Variants in UBE4B observed in about 807,000 individuals in gnomAD.
UBE4B encodes ubiquitination factor E4B, also known as ubiquitin conjugation factor E4 B.
UBE4B carries 27 observed loss-of-function variants against 148.1 expected under a neutral mutation model. That is an observed-to-expected ratio of 0.18 (90% CI 0.13 to 0.25). The LOEUF (loss-of-function observed/expected upper bound fraction) is 0.25, where lower values mean the gene tolerates loss of function less well. Among genes scored for constraint, UBE4B ranks in the 10% least tolerant of loss-of-function variants. The probability of loss-of-function intolerance (pLI) is 1.00; values close to 1 mark genes in which losing one functional copy is unlikely to be tolerated. For synonymous variants in UBE4B, 596 were observed against 619.3 expected, an observed-to-expected ratio of 0.96 and a Z score of 0.56; for missense variants, 1,170 against 1,662.4, an observed-to-expected ratio of 0.70 and a Z score of 5.15.
At chr1:10,049,752 T>C (rs1467835742) in intron 1 of UBE4B, among the ~76,000 whole-genome samples, 5 of 151,976 alleles carry the variant, frequency 3.3e-5, no homozygotes, top group Admixed American at 6.6e-5. Flanking sequence ...TGGCTGGGTG[T>C]GGTGGCATGC....
rs1643363589 is a variant in UBE4B, at chr1:10,033,161, AG to A, written c.-509del. 6.6e-6 allele frequency: 1 copy of A among 152,374 alleles called. No homozygotes were observed. The highest frequency in any genetic ancestry group is 2.1e-4 in the South Asian group (1 of 4,848). 9.4% of individuals were successfully genotyped at this position (152,374 alleles called of 1,614,324 possible). A position where few individuals can be genotyped will look rare whatever the true frequency, so the allele number is the denominator to read the frequency against. On this transcript the variant is annotated 5_prime_UTR_variant, in exon 1 of 28. In the 5' UTR this introduces an upstream ATG that the reference lacks. Transcript: ENST00000343090. ...TTGGGAGGGGAGGGGCTTCCCTTAC[AG>A]TGCTGGGCTCTGCCAGGACGGCTGT...
At chr1:10,126,299 CAATATAGA>C (rs1244428450) in intron 10 of UBE4B, among the ~76,000 whole-genome samples, 4 of 138,712 alleles carry the variant, frequency 2.9e-5, no homozygotes, top group South Asian at 2.4e-4. Flanking sequence ...GACTCCGTCT[CAATATAGA>C]TAGATAGATA....
intron 5 of UBE4B, 83 bp from the exon 6 acceptor site, chr1:10,105,433 T>C (rs1013043391): frequency 2.1e-5 from 25 of 1,195,252 alleles, no homozygotes; most frequent in Non-Finnish European, 3.1e-5. Flanking sequence ...TCGAACCATT[T>C]GGGGTCAGCT....
In UBE4B at chr1:10,168,397, G is replaced by A; in HGVS notation, c.3333+127G>A. ...CACAGTCATCAATAAGTGAAATTCT[G>A]TGACTGATTTTGTTCCCAGTTATGC... On this transcript the variant is annotated intron_variant, in intron 24 of 27. Transcript: ENST00000343090. The surrounding 1 kb of genome is among the most constrained non-coding windows in gnomAD (Gnocchi z 4.9). The A allele has an allele frequency of 7.1e-7, 1 of 1,406,248 alleles. No homozygotes were observed. Among genetic ancestry groups the A allele is most frequent in the Non-Finnish European group, 9.5e-7 (1 of 1,050,556 alleles). 87.1% of individuals were successfully genotyped at this position (1,406,248 alleles called of 1,614,324 possible).
intron 16 of UBE4B, 81 bp from the exon 17 acceptor site, chr1:10,136,986 A>T: frequency 7.0e-7 from 1 of 1,438,796 alleles, no homozygotes; most frequent in African/African-American, 1.4e-5. Context: ...TTCAAATGTA[A>T]TTTTCTCTTC....
chr1:10,135,463 G>A (rs1645664303), intron 16 of UBE4B, among the ~76,000 whole-genome samples: 1 of 151,814 alleles, frequency 6.6e-6, no homozygotes, highest in Non-Finnish European at 1.5e-5. Context: ...AATTAGCTGG[G>A]CATGGTGGCA....
chr1:10,056,658 C>T (rs1570793246), intron 1 of UBE4B, among the ~76,000 whole-genome samples: 2 of 152,200 alleles, frequency 1.3e-5, no homozygotes, highest in Admixed American at 1.3e-4. Context: ...ATGGGGAAAT[C>T]GAGGCTCAGA....
chr1:10,132,319 A>G, intron 14 of UBE4B, 50 bp from the exon 15 acceptor site: 1 of 1,459,562 alleles, frequency 6.9e-7, no homozygotes, highest in Non-Finnish European at 9.5e-7. Flanking sequence ...AAAAGGAATC[A>G]TGTGCAAAAT....
chr1:10,033,615 G>A lies in UBE4B; in HGVS notation c.-56G>A. 6.8e-7 allele frequency: 1 copy of A among 1,465,946 alleles called. No homozygotes were observed. The highest frequency in any genetic ancestry group is 1.8e-4 in the Middle Eastern group (1 of 5,470). The allele number at this position is 1,465,946 out of a possible 1,614,324, so 90.8% of individuals were successfully genotyped here. On this transcript the variant is annotated 5_prime_UTR_variant, in exon 1 of 28. Coordinates refer to ENST00000343090, the MANE Select transcript of UBE4B (RefSeq NM_001105562.3). ...CTTCCACTCTCCTTCCTCCCGCCGT[G>A]GTCTCGAGAACAGAAGGATCTCTCC...
At chr1:10,048,491 T>A (rs537725800) in intron 1 of UBE4B, among the ~76,000 whole-genome samples, 22 of 152,192 alleles carry the variant, frequency 1.4e-4, no homozygotes, top group African/African-American at 4.6e-4. Context: ...GGACTGAGCC[T>A]CCATCCATTC....
At chr1:10,133,035 A>T (rs960356383) in intron 15 of UBE4B, among the ~76,000 whole-genome samples, 2 of 152,156 alleles carry the variant, frequency 1.3e-5, no homozygotes, top group African/African-American at 2.4e-5. Flanking sequence ...AAAAGCTGCT[A>T]TGTAGACGGA....
chr1:10,048,037 G>C (rs144082826), intron 1 of UBE4B, among the ~76,000 whole-genome samples: 2 of 152,000 alleles, frequency 1.3e-5, no homozygotes, highest in Non-Finnish European at 2.9e-5. Flanking sequence ...TATTAGAGAC[G>C]AGGGTCTCCC....
chr1:10,085,772 A>G (rs1019283148), intron 2 of UBE4B, among the ~76,000 whole-genome samples: 2 of 152,046 alleles, frequency 1.3e-5, no homozygotes, highest in African/African-American at 4.8e-5. Flanking sequence ...AATATCCTCA[A>G]AGCCCTCCTG....
intron 10 of UBE4B, among the ~76,000 whole-genome samples, chr1:10,123,258 C>T (rs1334725017): frequency 2.0e-5 from 3 of 151,784 alleles, no homozygotes; most frequent in African/African-American, 7.3e-5. Context: ...TGGTGAAACC[C>T]GGTCTCTACT....
intron 20 of UBE4B, among the ~76,000 whole-genome samples, 164 bp from the exon 21 acceptor site, chr1:10,151,162 C>CAA (rs112703239): frequency 8.4e-5 from 11 of 131,592 alleles, no homozygotes; most frequent in African/African-American, 1.7e-4. Context: ...GACTCTGTCT[C>CAA]AAAAAAAAAA....
At chr1:10,056,723 G>A (rs181012032) in intron 1 of UBE4B, among the ~76,000 whole-genome samples, 5 of 152,348 alleles carry the variant, frequency 3.3e-5, no homozygotes, top group South Asian at 4.1e-4. Flanking sequence ...CGCTAGCTAC[G>A]CGATTGCTCA....
At chr1:10,160,907 C>T (rs1195779100) in intron 22 of UBE4B, among the ~76,000 whole-genome samples, 2 of 152,140 alleles carry the variant, frequency 1.3e-5, no homozygotes, top group Non-Finnish European at 1.5e-5. Flanking sequence ...TGTGCCACTG[C>T]ATTCCAGGCT....
At chr1:10,135,542 G>A (rs1645666540) in intron 16 of UBE4B, among the ~76,000 whole-genome samples, 1 of 151,996 alleles carries the variant, frequency 6.6e-6, no homozygotes, top group Non-Finnish European at 1.5e-5. Context: ...TTCATGACCA[G>A]CCTGATCACC....
In UBE4B at chr1:10,044,456, TG is replaced by T. The variant is rs568037430; in HGVS notation, c.24+10765del. ...GGTTTCGTAGAAGACACTTTTTCCA[TG>T]GGTGGTGGTGGTGGGAGGGGAAGGG... On this transcript the variant is annotated intron_variant, in intron 1 of 27. Transcript: ENST00000343090. Among the ~76,000 whole-genome samples, 789 of 152,272 alleles carry T rather than the reference TG, an allele frequency of 5.2e-3. 1 individual carries two copies. The highest frequency in any genetic ancestry group is 7.7e-3 in the Admixed American group (117 of 15,288).
Sources: gnomAD v4.1 joint callset for allele counts (sites outside exome capture counted in the v4.1 genomes callset) on GRCh38, gnomAD v4.1.1 for gene constraint, Gnocchi (gnomAD v3.1) non-coding constraint, MANE v1.5 for transcripts, NCBI Gene and HGNC (gene_info 2026-07-23, HGNC 2026-07-21) for gene names.